Variants in RILPL1 observed in about 807,000 individuals in gnomAD.
The protein encoded by RILPL1 is Rab interacting lysosomal protein like 1.
A neutral mutation model predicts 50.3 loss-of-function variants in RILPL1; 33 were observed. The ratio of observed to expected loss-of-function variants is 0.66; its 90% CI spans 0.50 to 0.88. RILPL1 has a LOEUF of 0.88. RILPL1 is among the 40% of genes least tolerant of loss of function. The probability of loss-of-function intolerance (pLI) is 0.00; values close to 1 mark genes in which losing one functional copy is unlikely to be tolerated. For synonymous variants in RILPL1, 205 were observed against 228.6 expected (o/e 0.90, Z 0.93); for missense variants, 418 against 542.5 (o/e 0.77, Z 2.28).
chr12:123,533,146 G>T lies in RILPL1; in HGVS notation c.309+28C>A, dbSNP rs1478192021. On this transcript the variant is annotated intron_variant, in intron 1 of 6. Transcript: ENST00000376874. This position sits in a 1 kb window ranked among gnomAD's most constrained non-coding sequence, Gnocchi z 6.2. Reference sequence around the variant, plus strand: ...TTGGGTCCCCGCGGTCCCACTGCCCGGACGGACAGACCGAGGCCGCCGCCC... The same window carrying T: ...TTGGGTCCCCGCGGTCCCACTGCCCTGACGGACAGACCGAGGCCGCCGCCC... 1 of 1,506,742 alleles carries T rather than the reference G, an allele frequency of 6.6e-7. No individual in the cohort carries two copies. Among genetic ancestry groups the T allele is most frequent in the African/African-American group, 1.4e-5 (1 of 72,704 alleles). 93.3% of individuals were successfully genotyped at this position (1,506,742 alleles called of 1,614,324 possible). A position where few individuals can be genotyped will look rare whatever the true frequency, so the allele number is the denominator to read the frequency against.
rs528749338 is a variant in RILPL1 at position 123,485,458 on chromosome 12, G to C, written c.974+175C>G. 6.6e-6 allele frequency among the ~76,000 whole-genome samples: 1 copy of C among 152,326 alleles called. No individual in the cohort carries two copies. Among genetic ancestry groups the C allele is most frequent in the Admixed American group, 6.5e-5 (1 of 15,296 alleles). ...GCTCTGGTGCCCGGCCTGGGCCCAA[G>C]AGTTTCAGAAAGGGGTTGTGAGCTT... is the stretch of plus-strand genomic sequence containing the variant. On this transcript the variant is annotated intron_variant, in intron 5 of 6. Transcript: ENST00000376874. The surrounding 1 kb of genome is among the most constrained non-coding windows in gnomAD (Gnocchi z 4.0).
chr12:123,498,412 G>C lies in RILPL1; in HGVS notation c.801+132C>G, dbSNP rs1022092351. On this transcript the variant is annotated intron_variant, in intron 4 of 6. Coordinates refer to ENST00000376874, the MANE Select transcript of RILPL1 (RefSeq NM_178314.5). The surrounding 1 kb of genome is among the most constrained non-coding windows in gnomAD (Gnocchi z 4.3). ...TTAAAAAAAATGTTTGTAGAGAATTGGGGTCTTGCTATGTTGCCCAGGTTG... is the reference window on the plus strand; with the variant it reads ...TTAAAAAAAATGTTTGTAGAGAATTCGGGTCTTGCTATGTTGCCCAGGTTG... The C allele has an allele frequency of 2.8e-6, 2 of 721,482 alleles. No individual in the cohort carries two copies. The highest frequency in any genetic ancestry group is 4.7e-6 in the Non-Finnish European group (2 of 428,544). 44.7% of individuals were successfully genotyped at this position (721,482 alleles called of 1,614,324 possible).
intron 2 of RILPL1, among the ~76,000 whole-genome samples, chr12:123,507,941 CAAAAAAAAAAAGAAAAAAA>C (rs1883854855): frequency 6.6e-5 from 3 of 45,648 alleles, no homozygotes; most frequent in East Asian, 5.9e-4. Flanking sequence ...AACTCCATCT[CAAAAAAAAAAAGAAAAAAA>C]AAAAAAAAAG....
At position 123,472,179 on chromosome 12, in the gene RILPL1, A is replaced by G. The variant is rs961826162; in HGVS notation, c.*359T>C. 1.2e-5 allele frequency: 3 copies of G among 242,314 alleles called. No individual in the cohort carries two copies. The Admixed American group carries it at 1.5e-4, about 12-fold the overall frequency. 15.0% of individuals were successfully genotyped at this position (242,314 alleles called of 1,614,324 possible). A position where few individuals can be genotyped will look rare whatever the true frequency, so the allele number is the denominator to read the frequency against. On this transcript the variant is annotated 3_prime_UTR_variant, in exon 7 of 7. Coordinates refer to ENST00000376874, the MANE Select transcript of RILPL1 (RefSeq NM_178314.5). ...AAAACCTCTACACATAGCATTTTAT[A>G]CAAAGCAAGTCAAACAGCAATGATA...
At chr12:123,521,309 A>G (rs1223234325) in intron 2 of RILPL1, among the ~76,000 whole-genome samples, 1 of 151,984 alleles carries the variant, frequency 6.6e-6, no homozygotes, top group Non-Finnish European at 1.5e-5. Context: ...TCAAAGTCAC[A>G]TAGCAGGGAG....
chr12:123,480,823 A>T (rs1341749226), intron 6 of RILPL1, among the ~76,000 whole-genome samples: 4 of 152,118 alleles, frequency 2.6e-5, no homozygotes, highest in Non-Finnish European at 5.9e-5. Context: ...CTGTCTATCT[A>T]GCACTCTGAT....
chr12:123,472,469 C>T lies in RILPL1; in HGVS notation c.*69G>A. 6.5e-7 allele frequency: 1 copy of T among 1,532,946 alleles called. No individual in the cohort carries two copies. Among genetic ancestry groups the T allele is most frequent in the Non-Finnish European group, 8.8e-7 (1 of 1,132,874 alleles). The allele number at this position is 1,532,946 out of a possible 1,614,324, so 95.0% of individuals were successfully genotyped here. A position where few individuals can be genotyped will look rare whatever the true frequency, so the allele number is the denominator to read the frequency against. ...GAGAGGCTTGAGGCAGCAATGACCC[C>T]TGGGCTGCAGTTCGGTTGCAGGCGC... is the stretch of plus-strand genomic sequence containing the variant. On this transcript the variant is annotated 3_prime_UTR_variant, in exon 7 of 7. Coordinates refer to ENST00000376874, the MANE Select transcript of RILPL1 (RefSeq NM_178314.5).
rs551693906 is a variant in RILPL1, at chr12:123,529,421, C to T, written c.309+3753G>A. ...ATTCTCCTGCCTCTGCCTCCTGAGG[C>T]GTGCGCCACCACACCCAGCTAATTT... On this transcript the variant is annotated intron_variant, in intron 1 of 6. Coordinates refer to ENST00000376874, the MANE Select transcript of RILPL1 (RefSeq NM_178314.5). Among the ~76,000 whole-genome samples the T allele has an allele frequency of 3.3e-5, 5 of 152,120 alleles. No homozygotes were observed. In the East Asian group the frequency reaches 9.7e-4, roughly 29 times the overall value.
chr12:123,491,027 GGCGT>G lies in RILPL1; in HGVS notation c.802-5226_802-5223del, dbSNP rs1341486865. 3.3e-5 allele frequency among the ~76,000 whole-genome samples: 5 copies of G among 152,218 alleles called. No homozygotes were observed. The highest frequency in any genetic ancestry group is 1.2e-4 in the African/African-American group (5 of 41,454). ...AGCCTCCCAAAGTGTTGGGATTACA[GGCGT>G]GAGCCACCATGCCCGCCCTGACTTC... is the stretch of plus-strand genomic sequence containing the variant. On this transcript the variant is annotated intron_variant, in intron 4 of 6. Transcript: ENST00000376874. The surrounding 1 kb of genome is among the most constrained non-coding windows in gnomAD (Gnocchi z 4.0).
intron 6 of RILPL1, chr12:123,475,897 A>ATTTTTTT (rs375190049): frequency 5.8e-6 from 2 of 344,152 alleles, no homozygotes; most frequent in African/African-American, 3.0e-5. Context: ...TTCACTTAAA[A>ATTTTTTT]TTTTTTTTTT....
chr12:123,476,686 C>T (rs1043941326), intron 6 of RILPL1, among the ~76,000 whole-genome samples: 3 of 152,118 alleles, frequency 2.0e-5, no homozygotes, highest in African/African-American at 7.2e-5. Context: ...CAGATTCTCC[C>T]TTACAGTCCG....
intron 4 of RILPL1, among the ~76,000 whole-genome samples, chr12:123,496,932 TCG>T (rs1283112394): frequency 6.6e-6 from 1 of 152,224 alleles, no homozygotes; most frequent in Non-Finnish European, 1.5e-5. Flanking sequence ...TCCATGCCCA[TCG>T]GCAGTCACTC....
At chr12:123,526,573 C>T (rs1181433621) in intron 1 of RILPL1, among the ~76,000 whole-genome samples, 1 of 152,218 alleles carries the variant, frequency 6.6e-6, no homozygotes, top group Non-Finnish European at 1.5e-5. Flanking sequence ...AATGTGTGTG[C>T]TGATCTCTGT....
chr12:123,490,226 G>C (rs1345014902), intron 4 of RILPL1, among the ~76,000 whole-genome samples: 2 of 152,088 alleles, frequency 1.3e-5, no homozygotes, highest in South Asian at 4.1e-4. Flanking sequence ...CCACACCCTG[G>C]GGAAAGAGCA....
chr12:123,477,176 C>G (rs1881650286), intron 6 of RILPL1, among the ~76,000 whole-genome samples: 2 of 152,064 alleles, frequency 1.3e-5, no homozygotes, highest in South Asian at 4.1e-4. Context: ...GCCACTAGAG[C>G]TTATTTTGAA....
intron 2 of RILPL1, among the ~76,000 whole-genome samples, chr12:123,510,311 G>A (rs754563655): frequency 2.0e-5 from 3 of 152,194 alleles, no homozygotes; most frequent in African/African-American, 4.8e-5. Context: ...GGTGGGACCC[G>A]GGGACACGGC....
rs1882283219 is a variant in RILPL1 at position 123,485,730 on chromosome 12, G to A, written c.877C>T (p.Arg293Trp). 1.2e-6 allele frequency: 2 copies of A among 1,612,860 alleles called. No individual in the cohort carries two copies. Among genetic ancestry groups the A allele is most frequent in the Non-Finnish European group, 1.7e-6 (2 of 1,179,476 alleles). Residue 293 changes from arginine to tryptophan, a missense_variant, in exon 5 of 7, where the codon CGG (arginine) becomes TGG (tryptophan). Physicochemically the swap from Arg to Trp is moderately radical, Grantham distance 101. Coordinates refer to ENST00000376874, the MANE Select transcript of RILPL1 (RefSeq NM_178314.5). The surrounding 1 kb of genome is among the most constrained non-coding windows in gnomAD (Gnocchi z 4.0). ...AMDLKDPNRP[R>W]FTLQELRDVL... ...TCCCGCAGCTCCTGCAGGGTGAACCGGGGGCGGTTGGGGTCCTTGAGATCC... is the reference window on the plus strand; with the variant it reads ...TCCCGCAGCTCCTGCAGGGTGAACCAGGGGCGGTTGGGGTCCTTGAGATCC...
At chr12:123,511,467 CTGTG>C (rs200174524) in intron 2 of RILPL1, among the ~76,000 whole-genome samples, 1 of 66,842 alleles carries the variant, frequency 1.5e-5, no homozygotes, top group Admixed American at 1.8e-4. Context: ...TGTGTGAGGT[CTGTG>C]TGTGTGGTGT....
At chr12:123,507,953 GAAAA>G (rs56309765) in intron 2 of RILPL1, among the ~76,000 whole-genome samples, 1 of 115,012 alleles carries the variant, frequency 8.7e-6, no homozygotes, top group African/African-American at 3.2e-5. Context: ...AAAAAAAAAA[GAAAA>G]AAAAAAAAAA....
Sources: gnomAD v4.1 joint callset for allele counts (sites outside exome capture counted in the v4.1 genomes callset) on GRCh38, gnomAD v4.1.1 for gene constraint, Gnocchi (gnomAD v3.1) non-coding constraint, MANE v1.5 for transcripts, NCBI Gene and HGNC (gene_info 2026-07-23, HGNC 2026-07-21) for gene names.